Variants in TSPAN13 observed in about 807,000 individuals in gnomAD.
TSPAN13 encodes tetraspanin-13.
In TSPAN13, 18 loss-of-function variants were observed where a neutral mutation model predicts 26.9. That is an observed-to-expected ratio of 0.67 (90% CI 0.46 to 0.99). The LOEUF (loss-of-function observed/expected upper bound fraction) is 0.99, where lower values mean the gene tolerates loss of function less well. Among genes scored for constraint, TSPAN13 ranks in the 50% least tolerant of loss-of-function variants. The probability of loss-of-function intolerance (pLI) is 0.00; values close to 1 mark genes in which losing one functional copy is unlikely to be tolerated. For missense variants in TSPAN13, 201 were observed against 249.6 expected, an observed-to-expected ratio of 0.81 and a Z score of 1.31; for synonymous variants, 116 against 98.4, an observed-to-expected ratio of 1.18 and a Z score of -1.06.
At chr7:16,767,124 A>T (rs1784613353) in intron 1 of TSPAN13, among the ~76,000 whole-genome samples, 1 of 152,142 alleles carries the variant, frequency 6.6e-6, no homozygotes, top group Admixed American at 6.6e-5. Flanking sequence ...CTCTCTTTTA[A>T]GAAGTTAAAT....
rs746985864 is a variant in TSPAN13, at chr7:16,776,189, T to G, written c.64-22T>G. On this transcript the variant is annotated intron_variant, in intron 1 of 5. Transcript: ENST00000262067. ...TCTCCTCTCTCTCGTCCTCTACCCC[T>G]GCCCCCTGGGTGTTTTTGCAGTTGG... 31 of 1,611,408 alleles carry G rather than the reference T, an allele frequency of 1.9e-5. No homozygotes were observed. In the South Asian group the frequency reaches 2.8e-4, roughly 14 times the overall value.
chr7:16,759,903 C>T (rs1784523448), intron 1 of TSPAN13, among the ~76,000 whole-genome samples: 1 of 151,966 alleles, frequency 6.6e-6, no homozygotes, highest in African/African-American at 2.4e-5. Flanking sequence ...TCTGGGCTAG[C>T]CTTGAATACC....
chr7:16,783,303 A>C (rs1411994198), intron 5 of TSPAN13, 114 bp from the exon 6 acceptor site: 14 of 1,034,850 alleles, frequency 1.4e-5, no homozygotes, highest in Non-Finnish European at 1.8e-5. Context: ...TCCCCGTTGA[A>C]CAAAAGATGC....
intron 1 of TSPAN13, among the ~76,000 whole-genome samples, chr7:16,772,995 C>A (rs115674148): frequency 0.027 from 4,098 of 151,500 alleles, 189 homozygotes; most frequent in African/African-American, 0.094. Context: ...AACTCTGTCT[C>A]CAAAAAATAA....
intron 1 of TSPAN13, among the ~76,000 whole-genome samples, chr7:16,763,950 G>A (rs1404660769): frequency 1.3e-5 from 2 of 152,110 alleles, no homozygotes; most frequent in Non-Finnish European, 2.9e-5. Context: ...TTAGTGTAGT[G>A]GTTTAATATT....
chr7:16,776,303 G>A lies in TSPAN13; in HGVS notation c.156G>A (p.Val52=). 1 of 1,614,046 alleles carries A rather than the reference G, an allele frequency of 6.2e-7. No individual in the cohort carries two copies. Among genetic ancestry groups the A allele is most frequent in the Non-Finnish European group, 8.5e-7 (1 of 1,180,014 alleles). The stretch of plus-strand genomic sequence containing the variant: ...GAGTGGTCGGCGTGGTCATTGCAGT[G>A]GGCATCTTCTTGTTCCTGATTGCTT... The part of the protein sequence containing the change: ...SLRVVGVVIA[V]GIFLFLIALV... Residue 52 remains valine (V), a synonymous_variant, in exon 2 of 6, where the codon GTG becomes GTA. Transcript: ENST00000262067.
intron 1 of TSPAN13, 67 bp downstream of exon 1, chr7:16,754,097 C>T: frequency 1.3e-6 from 2 of 1,518,394 alleles, no homozygotes; most frequent in South Asian, 1.2e-5. Context: ...TCTTTGGCTT[C>T]CCTGCCTGGT....
chr7:16,755,057 G>A (rs1015033191), intron 1 of TSPAN13, among the ~76,000 whole-genome samples: 2 of 152,084 alleles, frequency 1.3e-5, no homozygotes, highest in South Asian at 4.2e-4. Context: ...TGTCTCTACC[G>A]GGCGGAAGAA....
At chr7:16,758,809 C>T (rs1269261202) in intron 1 of TSPAN13, among the ~76,000 whole-genome samples, 1 of 151,624 alleles carries the variant, frequency 6.6e-6, no homozygotes, top group Non-Finnish European at 1.5e-5. Flanking sequence ...TTTCCTCTAC[C>T]GTTTCTCTTG....
At chr7:16,761,735 G>A (rs969842793) in intron 1 of TSPAN13, among the ~76,000 whole-genome samples, 1 of 111,898 alleles carries the variant, frequency 8.9e-6, no homozygotes, top group Non-Finnish European at 1.7e-5. Flanking sequence ...GGGTCTTGCT[G>A]TGTTGCCCAG....
At chr7:16,765,866 G>C (rs1035148690) in intron 1 of TSPAN13, among the ~76,000 whole-genome samples, 1 of 152,156 alleles carries the variant, frequency 6.6e-6, no homozygotes, top group South Asian at 2.1e-4. Flanking sequence ...TGTCTAGCAA[G>C]TTCTAGTGAC....
At chr7:16,754,791 G>C (rs956843921) in intron 1 of TSPAN13, among the ~76,000 whole-genome samples, 1 of 151,992 alleles carries the variant, frequency 6.6e-6, no homozygotes, top group African/African-American at 2.4e-5. Flanking sequence ...CTCTCTTTGT[G>C]ATTTTTTGAG....
At chr7:16,783,355 G>T (rs1161912504) in intron 5 of TSPAN13, 62 bp from the exon 6 acceptor site, 8 of 1,499,444 alleles carry the variant, frequency 5.3e-6, no homozygotes, top group African/African-American at 1.4e-5. Context: ...TTGATCAACT[G>T]AATAAATATA....
intron 1 of TSPAN13, among the ~76,000 whole-genome samples, chr7:16,755,674 G>A (rs1366851921): frequency 2.6e-5 from 4 of 151,584 alleles, no homozygotes; most frequent in African/African-American, 9.7e-5. Context: ...GTCTTACAGT[G>A]CCTGCTTACA....
chr7:16,776,125 A>G, intron 1 of TSPAN13, 86 bp from the exon 2 acceptor site: 1 of 1,345,048 alleles, frequency 7.4e-7, no homozygotes. Flanking sequence ...CCTGAAGGAT[A>G]TTGTTGATAT....
chr7:16,777,729 GT>G lies in TSPAN13; in HGVS notation c.313-67del. Reference sequence around the variant, plus strand: ...ATTTTAGGTACACTTAGTACTAAAAGTTACAGGCTCCAGCTTTATACATTTT... The same window carrying G: ...ATTTTAGGTACACTTAGTACTAAAAGTACAGGCTCCAGCTTTATACATTTT... On this transcript the variant is annotated intron_variant, in intron 3 of 5. Transcript: ENST00000262067. The G allele has an allele frequency of 2.5e-6, 3 of 1,193,008 alleles. No homozygotes were observed. The South Asian group carries it at 4.6e-5, about 18-fold the overall frequency. The allele number at this position is 1,193,008 out of a possible 1,614,324, so 73.9% of individuals were successfully genotyped here.
At chr7:16,783,396 A>ATTT in intron 5 of TSPAN13, 21 bp from the exon 6 acceptor site, 1 of 1,586,546 alleles carries the variant, frequency 6.3e-7, no homozygotes. Context: ...TCTTTACTTT[A>ATTT]TTTTTTTTTC....
In TSPAN13 at chr7:16,753,917, C is replaced by T. The variant is rs778095216; in HGVS notation, c.-51C>T. On this transcript the variant is annotated 5_prime_UTR_variant, in exon 1 of 6. Transcript: ENST00000262067. ...AAGGACAAAGCAGCTGTCAGGGAAC[C>T]TCCGCCGGAGTCGAATTTACGTGCA... 1.9e-6 allele frequency: 3 copies of T among 1,582,046 alleles called. No individual in the cohort carries two copies. The African/African-American group carries it at 4.1e-5, about 21-fold the overall frequency.
At chr7:16,764,318 C>T (rs557203575) in intron 1 of TSPAN13, among the ~76,000 whole-genome samples, 13 of 152,164 alleles carry the variant, frequency 8.5e-5, no homozygotes, top group East Asian at 7.7e-4. Flanking sequence ...TGAGCCACCG[C>T]GCCTGGCTCT....
Sources: gnomAD v4.1 joint callset for allele counts (sites outside exome capture counted in the v4.1 genomes callset) on GRCh38, gnomAD v4.1.1 for gene constraint, MANE v1.5 for transcripts, NCBI Gene and HGNC (gene_info 2026-07-23, HGNC 2026-07-21) for gene names.